MDGA2: variants seen among roughly 807,000 people sequenced by gnomAD.
MDGA2 encodes MAM domain containing glycosylphosphatidylinositol anchor 2.
In MDGA2, 40 loss-of-function variants were observed where a neutral mutation model predicts 117.8. The ratio of observed to expected loss-of-function variants is 0.34; its 90% CI spans 0.26 to 0.44. MDGA2 has a LOEUF of 0.44. MDGA2 is among the 20% of genes least tolerant of loss of function. The pLI is 1.00. For synonymous variants in MDGA2, 452 were observed against 439.0 expected, an observed-to-expected ratio of 1.03 and a Z score of -0.37; for missense variants, 1,123 against 1,250.6, an observed-to-expected ratio of 0.90 and a Z score of 1.54.
chr14:47,139,071 T>C (rs1381903347), intron 4 of MDGA2, among the ~76,000 whole-genome samples: 2 of 152,236 alleles, frequency 1.3e-5, no homozygotes, highest in East Asian at 1.9e-4. Flanking sequence ...ATATATCTCA[T>C]CTTAGAAATT....
chr14:47,126,856 C>G (rs998321580), intron 5 of MDGA2, among the ~76,000 whole-genome samples: 9 of 152,092 alleles, frequency 5.9e-5, no homozygotes, highest in Admixed American at 3.9e-4. Flanking sequence ...ACTTTTTAGA[C>G]ATTTTTACTT....
intron 10 of MDGA2, among the ~76,000 whole-genome samples, chr14:46,909,453 C>T (rs1009677569): frequency 2.6e-5 from 4 of 152,000 alleles, no homozygotes; most frequent in African/African-American, 4.8e-5. Context: ...GCAGAAGCAC[C>T]GTATGTCCCT....
rs1426609190 is a variant in MDGA2 at position 47,493,693 on chromosome 14, A to T, written c.280+180824T>A. Among the ~76,000 whole-genome samples the T allele has an allele frequency of 2.6e-5, 4 of 152,330 alleles. No individual in the cohort carries two copies. The East Asian group carries it at 7.7e-4, about 29-fold the overall frequency. ...CAAAAAGTAACTATCGAATACTTTTAAAATTCCACTTTGGAGTATTTTTCT... is the reference window on the plus strand; with the variant it reads ...CAAAAAGTAACTATCGAATACTTTTTAAATTCCACTTTGGAGTATTTTTCT... On this transcript the variant is annotated intron_variant, in intron 1 of 16. Coordinates refer to ENST00000399232, the MANE Select transcript of MDGA2 (RefSeq NM_001113498.3).
chr14:47,549,785 T>C (rs963231814), intron 1 of MDGA2, among the ~76,000 whole-genome samples: 3 of 152,208 alleles, frequency 2.0e-5, no homozygotes, highest in East Asian at 3.9e-4. Flanking sequence ...CCTCCACATA[T>C]GCATGCATTA....
At chr14:47,112,453 G>C (rs1009261627) in intron 5 of MDGA2, among the ~76,000 whole-genome samples, 1 of 151,912 alleles carries the variant, frequency 6.6e-6, no homozygotes, top group Non-Finnish European at 1.5e-5. Context: ...TGTGTCCATG[G>C]GTCCTTATTG....
At chr14:47,147,512 C>T (rs765884944) in intron 3 of MDGA2, among the ~76,000 whole-genome samples, 1 of 152,176 alleles carries the variant, frequency 6.6e-6, no homozygotes. Context: ...CCGACCACCT[C>T]CCCTATCAAC....
intron 9 of MDGA2, among the ~76,000 whole-genome samples, chr14:46,950,346 C>T (rs989680068): frequency 2.0e-5 from 3 of 150,996 alleles, no homozygotes; most frequent in Admixed American, 6.6e-5. Context: ...TATTGGCTTA[C>T]TGGACCTCTG....
At chr14:47,415,738 G>T (rs1312980868) in intron 1 of MDGA2, among the ~76,000 whole-genome samples, 2 of 152,086 alleles carry the variant, frequency 1.3e-5, no homozygotes, top group Non-Finnish European at 2.9e-5. Context: ...CGCACTTCTG[G>T]AGGCTGGAAG....
In MDGA2 at chr14:46,847,825, G is replaced by A. The variant is rs544699932; in HGVS notation, c.2884-1954C>T. The stretch of plus-strand genomic sequence containing the variant: ...TAATTATTATTCATACTTATTTAAA[G>A]CACATTGTTCTTTAAAGCCTTTACA... On this transcript the variant is annotated intron_variant, in intron 15 of 16. Coordinates refer to ENST00000399232, the MANE Select transcript of MDGA2 (RefSeq NM_001113498.3). 2.6e-5 allele frequency among the ~76,000 whole-genome samples: 4 copies of A among 152,010 alleles called. No homozygotes were observed. The South Asian group carries it at 8.3e-4, about 32-fold the overall frequency.
At chr14:47,412,155 G>C (rs557307087) in intron 1 of MDGA2, among the ~76,000 whole-genome samples, 1 of 151,984 alleles carries the variant, frequency 6.6e-6, no homozygotes, top group African/African-American at 2.4e-5. Context: ...CGATCTTCAT[G>C]GGAAAGGAGA....
At chr14:47,094,768 T>A (rs1879865834) in intron 6 of MDGA2, among the ~76,000 whole-genome samples, 1 of 149,000 alleles carries the variant, frequency 6.7e-6, no homozygotes, top group African/African-American at 2.5e-5. Context: ...ATTTTATGCC[T>A]ACTTAGAAAA....
intron 3 of MDGA2, among the ~76,000 whole-genome samples, chr14:47,191,867 T>C (rs1202094776): frequency 6.7e-6 from 1 of 149,632 alleles, no homozygotes; most frequent in Non-Finnish European, 1.5e-5. Flanking sequence ...GATGAGCACA[T>C]AGGGAGGGAA....
In MDGA2 at chr14:46,858,403, CTTTT is replaced by C. The variant is rs1881359601; in HGVS notation, c.2753-3253_2753-3250del. 1.5e-4 allele frequency among the ~76,000 whole-genome samples: 21 copies of C among 144,784 alleles called. No individual in the cohort carries two copies. The South Asian group carries it at 4.5e-3, about 31-fold the overall frequency. 95.0% of individuals were successfully genotyped at this position (144,784 alleles called of 152,430 possible). On this transcript the variant is annotated intron_variant, in intron 14 of 16. Coordinates refer to ENST00000399232, the MANE Select transcript of MDGA2 (RefSeq NM_001113498.3). ...GGAACACATTTATAATACTTTTTTT[CTTTT>C]CTTTTTCTTTTTCTTTTTTTCTTTT...
intron 1 of MDGA2, among the ~76,000 whole-genome samples, chr14:47,356,752 A>G (rs2138360173): frequency 6.6e-6 from 1 of 152,308 alleles, no homozygotes; most frequent in Middle Eastern, 3.4e-3. Flanking sequence ...ATTCAGAACA[A>G]GAAGGTAACG....
chr14:47,074,133 T>C (rs10135298), intron 6 of MDGA2, among the ~76,000 whole-genome samples: 48,090 of 125,084 alleles, frequency 0.38, 8,389 homozygotes, highest in East Asian at 0.59. Context: ...AATCATTAAT[T>C]AAAACAAAGC....
chr14:46,939,474 G>C (rs1247623521), intron 9 of MDGA2, among the ~76,000 whole-genome samples: 1 of 152,064 alleles, frequency 6.6e-6, no homozygotes, highest in Non-Finnish European at 1.5e-5. Flanking sequence ...TTGTAAACCT[G>C]CTTCCAGTGT....
In MDGA2 at chr14:47,076,017, A is replaced by AGTATT. The variant is rs1890477870; in HGVS notation, c.1196-14440_1196-14439insAATAC. Among the ~76,000 whole-genome samples the AGTATT allele has an allele frequency of 6.6e-5, 10 of 152,246 alleles. No homozygotes were observed. In the South Asian group the frequency reaches 2.1e-3, roughly 32 times the overall value. ...ATTAGTATCGAATACTCACAAAAAA[A>AGTATT]CCCAAAGAATAACTAACAAATAAAA... On this transcript the variant is annotated intron_variant, in intron 6 of 16. Coordinates refer to ENST00000399232, the MANE Select transcript of MDGA2 (RefSeq NM_001113498.3).
At chr14:47,316,276 AT>A (rs1889807494) in intron 1 of MDGA2, among the ~76,000 whole-genome samples, 1 of 152,114 alleles carries the variant, frequency 6.6e-6, no homozygotes, top group African/African-American at 2.4e-5. Context: ...AAGTAATATT[AT>A]TGCTCATTAC....
chr14:47,002,161 G>A (rs1887554992), intron 8 of MDGA2, among the ~76,000 whole-genome samples: 1 of 151,946 alleles, frequency 6.6e-6, no homozygotes, highest in African/African-American at 2.4e-5. Context: ...ATAAAACAAT[G>A]TAAATTTCAT....
Sources: gnomAD v4.1 joint callset for allele counts (sites outside exome capture counted in the v4.1 genomes callset) on GRCh38, gnomAD v4.1.1 for gene constraint, MANE v1.5 for transcripts, NCBI Gene and HGNC (gene_info 2026-07-23, HGNC 2026-07-21) for gene names.